Variants in MROH9 observed in about 807,000 individuals in gnomAD.
MROH9 encodes the protein maestro heat-like repeat-containing protein family member 9.
Under a neutral mutation model 98.2 loss-of-function variants are expected in MROH9, and 92 were observed. The observed-to-expected ratio is 0.94, with a 90% CI of 0.79 to 1.11. MROH9 has a LOEUF of 1.11. MROH9 is among the 50% of genes most tolerant of loss of function. The pLI is 0.00. For synonymous variants in MROH9, 397 were observed against 368.9 expected, an observed-to-expected ratio of 1.08 and a Z score of -0.87; for missense variants, 1,057 against 1,014.8, an observed-to-expected ratio of 1.04 and a Z score of -0.57.
intron 16 of MROH9, 47 bp downstream of exon 16, chr1:171,014,301 C>CTAAATCA (rs1469492019): frequency 6.6e-7 from 1 of 1,510,440 alleles, no homozygotes; most frequent in Non-Finnish European, 8.9e-7. Context: ...AAATCATAAT[C>CTAAATCA]TGAGATTTTG....
chr1:171,052,993 C>A (rs1295124027), intron 20 of MROH9, among the ~76,000 whole-genome samples: 1 of 152,146 alleles, frequency 6.6e-6, no homozygotes, highest in Non-Finnish European at 1.5e-5. Context: ...ATTCTCCTGA[C>A]TGACCAAGGG....
At chr1:170,980,433 T>A (rs1206362532) in intron 8 of MROH9, among the ~76,000 whole-genome samples, 2 of 152,066 alleles carry the variant, frequency 1.3e-5, no homozygotes, top group Non-Finnish European at 2.9e-5. Context: ...TATAGACCAA[T>A]GCAACATAAC....
intron 8 of MROH9, 128 bp from the exon 9 acceptor site, chr1:170,983,292 CAG>C (rs1431025807): frequency 1.6e-6 from 1 of 615,092 alleles, no homozygotes; most frequent in African/African-American, 1.8e-5. Context: ...AAACTATGAG[CAG>C]AGAGTTAAAT....
chr1:170,989,379 T>C (rs1447581735), intron 10 of MROH9, among the ~76,000 whole-genome samples: 1 of 152,128 alleles, frequency 6.6e-6, no homozygotes, highest in Non-Finnish European at 1.5e-5. Flanking sequence ...GTTTGCAACA[T>C]TGTGGGTTAG....
At chr1:171,034,868 A>G (rs1273457805) in intron 20 of MROH9, among the ~76,000 whole-genome samples, 2 of 151,982 alleles carry the variant, frequency 1.3e-5, no homozygotes, top group Non-Finnish European at 2.9e-5. Context: ...CCTGTGGAAC[A>G]GAATAGAAAG....
chr1:170,998,660 G>A, intron 15 of MROH9: 1 of 1,126,264 alleles, frequency 8.9e-7, no homozygotes, highest in Non-Finnish European at 1.1e-6. Context: ...AGGGAGAAAG[G>A]AACTGGCTGA....
At chr1:171,048,837 G>A (rs1306458149) in intron 20 of MROH9, among the ~76,000 whole-genome samples, 4 of 152,184 alleles carry the variant, frequency 2.6e-5, no homozygotes, top group Non-Finnish European at 5.9e-5. Context: ...GTTATTCAAG[G>A]ACCAAGGGCT....
intron 20 of MROH9, among the ~76,000 whole-genome samples, chr1:171,035,392 A>G (rs1305594725): frequency 6.6e-6 from 1 of 151,884 alleles, no homozygotes; most frequent in Non-Finnish European, 1.5e-5. Flanking sequence ...TTAGAACAAT[A>G]ACAACCCATT....
At chr1:170,970,543 G>C (rs989653228) in intron 7 of MROH9, among the ~76,000 whole-genome samples, 1 of 152,034 alleles carries the variant, frequency 6.6e-6, no homozygotes, top group African/African-American at 2.4e-5. Context: ...CTCTTTGTAC[G>C]GGTGGAAAAG....
At chr1:170,973,155 G>A (rs375333587) in intron 8 of MROH9, among the ~76,000 whole-genome samples, 33 of 152,146 alleles carry the variant, frequency 2.2e-4, no homozygotes, top group Admixed American at 1.6e-3. Context: ...CCACAAACTC[G>A]AGATCTGCAG....
At chr1:171,056,109 C>G (rs1026387224) in intron 20 of MROH9, among the ~76,000 whole-genome samples, 15 of 152,212 alleles carry the variant, frequency 9.9e-5, no homozygotes, top group African/African-American at 3.4e-4. Context: ...TCTGCTTAAG[C>G]CTGCCGAGCC....
At chr1:171,041,436 CAT>C (rs1553222193) in intron 20 of MROH9, among the ~76,000 whole-genome samples, 55 of 141,518 alleles carry the variant, frequency 3.9e-4, no homozygotes, top group African/African-American at 1.2e-3. Context: ...CACACACACA[CAT>C]ATATATGTCA....
At position 171,001,917 on chromosome 1, in the gene MROH9, G is replaced by A. The variant is rs537919375; in HGVS notation, c.1596+3643G>A. The stretch of plus-strand genomic sequence containing the variant: ...TAGTAATTGTTTTATAAATTTGGGA[G>A]CTCTAGTATTAGGTGCAAATATGTT... On this transcript the variant is annotated intron_variant, in intron 15 of 21. Transcript: ENST00000367759. Among the ~76,000 whole-genome samples, 8 of 152,240 alleles carry A rather than the reference G, an allele frequency of 5.3e-5. No homozygotes were observed. The East Asian group carries it at 1.4e-3, about 26-fold the overall frequency.
At chr1:170,956,058 T>C (rs548798166) in intron 3 of MROH9, among the ~76,000 whole-genome samples, 105 of 152,320 alleles carry the variant, frequency 6.9e-4, no homozygotes, top group Admixed American at 6.1e-3. Context: ...CCCAGCACCA[T>C]TTGTTGAAAA....
At chr1:171,064,047 A>G in intron 21 of MROH9, 52 bp from the exon 22 acceptor site, 2 of 1,492,888 alleles carry the variant, frequency 1.3e-6, no homozygotes, top group East Asian at 2.5e-5. Context: ...TTAAAGCTTC[A>G]TGGCCTCTAA....
intron 1 of MROH9, 97 bp from the exon 2 acceptor site, chr1:170,945,423 A>G (rs1649289964): frequency 1.3e-6 from 1 of 745,570 alleles, no homozygotes; most frequent in Non-Finnish European, 2.3e-6. Flanking sequence ...AACACAATCC[A>G]CATACTGTAT....
chr1:171,025,874 T>TC (rs151073251), intron 20 of MROH9, among the ~76,000 whole-genome samples: 14,056 of 152,242 alleles, frequency 0.092, 765 homozygotes, highest in Middle Eastern at 0.17. Flanking sequence ...AGGAAGACTC[T>TC]AAGACTAGAC....
intron 3 of MROH9, among the ~76,000 whole-genome samples, chr1:170,955,171 C>T (rs1408169802): frequency 9.2e-5 from 14 of 151,974 alleles, no homozygotes; most frequent in South Asian, 8.3e-4. Flanking sequence ...AGTAGTATTC[C>T]ATTTTATGTA....
chr1:170,945,167 A>G lies in MROH9; in HGVS notation c.-37-353A>G, dbSNP rs1163717594. Reference sequence around the variant, plus strand: ...GTCCTCAGCCGCAGCCAGCAAAGTAATAGGTTCTTCAATCTGACAGCCTCA... The same window carrying G: ...GTCCTCAGCCGCAGCCAGCAAAGTAGTAGGTTCTTCAATCTGACAGCCTCA... On this transcript the variant is annotated intron_variant, in intron 1 of 21. Coordinates refer to ENST00000367759, the MANE Select transcript of MROH9 (RefSeq NM_001163629.2). 2.6e-5 allele frequency among the ~76,000 whole-genome samples: 4 copies of G among 152,008 alleles called. No individual in the cohort carries two copies. The East Asian group carries it at 5.8e-4, about 22-fold the overall frequency.
Sources: gnomAD v4.1 joint callset for allele counts (sites outside exome capture counted in the v4.1 genomes callset) on GRCh38, gnomAD v4.1.1 for gene constraint, MANE v1.5 for transcripts, NCBI Gene and HGNC (gene_info 2026-07-23, HGNC 2026-07-21) for gene names.